SRPK2: variants seen among roughly 807,000 people sequenced by gnomAD.
SRPK2 encodes SFRS protein kinase 2.
A neutral mutation model predicts 90.8 loss-of-function variants in SRPK2; 21 were observed. The ratio of observed to expected loss-of-function variants is 0.23; its 90% confidence interval spans 0.16 to 0.33. The LOEUF (loss-of-function observed/expected upper bound fraction) is 0.33. Among genes scored for constraint, SRPK2 ranks in the 10% least tolerant of loss-of-function variants. The pLI is 1.00. For synonymous variants in SRPK2, 288 were observed against 311.1 expected (o/e 0.93, Z 0.78); for missense variants, 620 against 869.0 (o/e 0.71, Z 3.60).
At chr7:105,202,977 T>G (rs1203183529) in intron 3 of SRPK2, among the ~76,000 whole-genome samples, 1 of 152,164 alleles carries the variant, frequency 6.6e-6, no homozygotes, top group Non-Finnish European at 1.5e-5. Context: ...CTTTTATTAT[T>G]TTAATGTTTT....
chr7:105,381,732 T>A (rs1820973011), intron 2 of SRPK2, among the ~76,000 whole-genome samples: 1 of 152,040 alleles, frequency 6.6e-6, no homozygotes, highest in South Asian at 2.1e-4. Flanking sequence ...TGTAAAAAAA[T>A]AAGAAATGAA....
At chr7:105,188,171 T>C (rs192032011) in intron 3 of SRPK2, among the ~76,000 whole-genome samples, 1 of 152,274 alleles carries the variant, frequency 6.6e-6, no homozygotes, top group Admixed American at 6.5e-5. Context: ...ATATTAATCA[T>C]GAAATGAATG....
chr7:105,325,684 CAA>C (rs1449546164), intron 2 of SRPK2, among the ~76,000 whole-genome samples: 6 of 151,998 alleles, frequency 3.9e-5, no homozygotes, highest in African/African-American at 1.4e-4. Flanking sequence ...CTCATGCCTA[CAA>C]AAAGTTAAAA....
At chr7:105,284,414 G>A (rs558047288) in intron 2 of SRPK2, among the ~76,000 whole-genome samples, 16 of 152,226 alleles carry the variant, frequency 1.1e-4, no homozygotes, top group African/African-American at 3.4e-4. Context: ...TGAAGCCAGA[G>A]ATAATGGCAG....
intron 2 of SRPK2, among the ~76,000 whole-genome samples, chr7:105,225,430 C>A (rs1056247315): frequency 3.3e-5 from 5 of 152,136 alleles, no homozygotes; most frequent in Admixed American, 1.3e-4. Context: ...TACATGAAAC[C>A]AGTAGTTTCT....
intron 11 of SRPK2, among the ~76,000 whole-genome samples, chr7:105,134,416 C>A (rs1802495778): frequency 6.6e-6 from 1 of 152,230 alleles, no homozygotes; most frequent in Non-Finnish European, 1.5e-5. Flanking sequence ...TTTCCTAAGG[C>A]CTCCCCAGCC....
intron 2 of SRPK2, among the ~76,000 whole-genome samples, chr7:105,359,735 C>G (rs1304816537): frequency 2.0e-5 from 3 of 152,160 alleles, no homozygotes; most frequent in Non-Finnish European, 4.4e-5. Context: ...AACCGTTCAT[C>G]CTTCCAACCC....
intron 2 of SRPK2, among the ~76,000 whole-genome samples, chr7:105,267,425 T>TACCCTTCCCATC (rs1805240693): frequency 6.6e-6 from 1 of 152,200 alleles, no homozygotes; most frequent in Non-Finnish European, 1.5e-5. Context: ...CACCCTCTTC[T>TACCCTTCCCATC]ACCCTTCCCA....
chr7:105,388,596 G>C, intron 2 of SRPK2, 52 bp downstream of exon 2: 1 of 1,491,088 alleles, frequency 6.7e-7, no homozygotes, highest in Non-Finnish European at 9.1e-7. Flanking sequence ...GGCCGCGGGC[G>C]CCCCCGACGG....
intron 2 of SRPK2, among the ~76,000 whole-genome samples, chr7:105,359,950 G>A (rs1455582216): frequency 6.6e-6 from 1 of 152,100 alleles, no homozygotes; most frequent in Admixed American, 6.6e-5. Flanking sequence ...CTTCTGTCTC[G>A]TTGATCTGTC....
At chr7:105,268,081 G>C (rs1156271713) in intron 2 of SRPK2, among the ~76,000 whole-genome samples, 5 of 152,158 alleles carry the variant, frequency 3.3e-5, no homozygotes, top group African/African-American at 7.2e-5. Flanking sequence ...TCTGACTTCA[G>C]ATAAAAATAT....
intron 2 of SRPK2, among the ~76,000 whole-genome samples, chr7:105,213,140 T>C (rs180724074): frequency 2.0e-5 from 3 of 152,294 alleles, no homozygotes; most frequent in African/African-American, 7.2e-5. Flanking sequence ...ATTCATTTGC[T>C]AGAAGTGGAT....
At chr7:105,299,763 G>A (rs1177019595) in intron 2 of SRPK2, among the ~76,000 whole-genome samples, 1 of 152,028 alleles carries the variant, frequency 6.6e-6, no homozygotes, top group African/African-American at 2.4e-5. Flanking sequence ...GTGTGGTGGA[G>A]GGTGCCTGTA....
intron 2 of SRPK2, among the ~76,000 whole-genome samples, chr7:105,285,403 A>G (rs988483985): frequency 2.5e-4 from 30 of 121,834 alleles, no homozygotes; most frequent in African/African-American, 7.5e-4. Context: ...AAAAAAAAAA[A>G]AAAAGGAAAA....
Position 105,301,370 on chromosome 7 carries a change from C to T in SRPK2, c.71+87278G>A, listed in dbSNP as rs563011457. ...CTGGGCGCTGCCGAGGCCAGGGGCA[C>T]GCACGATTGGCACCTGCCAGTGCCA... On this transcript the variant is annotated intron_variant, in intron 2 of 15. Transcript: ENST00000393651. Among the ~76,000 whole-genome samples the T allele has an allele frequency of 1.1e-3, 170 of 152,216 alleles. 2 individuals are homozygous for T. The highest frequency in any genetic ancestry group is 8.5e-4 in the Non-Finnish European group (58 of 68,012).
intron 2 of SRPK2, among the ~76,000 whole-genome samples, chr7:105,387,740 C>T (rs1033148627): frequency 4.6e-5 from 7 of 152,146 alleles, no homozygotes; most frequent in Admixed American, 2.0e-4. Context: ...AGCAATTAAT[C>T]TAGAGGAAGA....
chr7:105,149,573 A>C (rs756658052), intron 7 of SRPK2, among the ~76,000 whole-genome samples: 17 of 152,236 alleles, frequency 1.1e-4, no homozygotes, highest in Non-Finnish European at 2.1e-4. Context: ...TTGTTTCTCT[A>C]TACTTTGTCT....
intron 2 of SRPK2, among the ~76,000 whole-genome samples, chr7:105,346,626 C>A (rs543946974): frequency 2.0e-5 from 3 of 152,026 alleles, no homozygotes; most frequent in Non-Finnish European, 2.9e-5. Flanking sequence ...TGGTGGTGTG[C>A]GCCTGTAGTC....
chr7:105,367,454 G>A (rs1174871131), intron 2 of SRPK2, among the ~76,000 whole-genome samples: 1 of 151,776 alleles, frequency 6.6e-6, no homozygotes, highest in Non-Finnish European at 1.5e-5. Flanking sequence ...ATAGAGACGG[G>A]GTCTCACCGT....
Sources: gnomAD v4.1 joint callset for allele counts (sites outside exome capture counted in the v4.1 genomes callset) on GRCh38, gnomAD v4.1.1 for gene constraint, MANE v1.5 for transcripts, NCBI Gene and HGNC (gene_info 2026-07-23, HGNC 2026-07-21) for gene names.